Variants in SLC9A5 observed in about 807,000 individuals in gnomAD.
SLC9A5 encodes sodium/hydrogen exchanger 5.
In SLC9A5, 52 loss-of-function variants were observed where a neutral mutation model predicts 91.7. The ratio of observed to expected loss-of-function variants is 0.57; its 90% CI spans 0.45 to 0.71. SLC9A5 has a LOEUF of 0.71. Among genes scored for constraint, SLC9A5 ranks in the 30% least tolerant of loss-of-function variants. SLC9A5 has a pLI of 0.00. For synonymous variants in SLC9A5, 419 were observed against 474.5 expected (o/e 0.88, Z 1.52); for missense variants, 871 against 1,158.9 (o/e 0.75, Z 3.61).
chr16:67,267,748 A>G (rs1283191941), intron 15 of SLC9A5, among the ~76,000 whole-genome samples: 1 of 152,208 alleles, frequency 6.6e-6, no homozygotes, highest in African/African-American at 2.4e-5. Context: ...ATTCACTCAT[A>G]TTGTTAGTAT....
chr16:67,262,471 A>G (rs2035564314), intron 12 of SLC9A5: 2 of 316,052 alleles, frequency 6.3e-6, no homozygotes, highest in South Asian at 2.6e-5. Flanking sequence ...AATCTGTATC[A>G]GGTTTTGTCA....
At chr16:67,250,471 A>C (rs191606217) in intron 1 of SLC9A5, among the ~76,000 whole-genome samples, 3 of 152,276 alleles carry the variant, frequency 2.0e-5, no homozygotes, top group African/African-American at 7.2e-5. Context: ...GGAGCCAACG[A>C]TTGGGTTTGC....
chr16:67,265,191 C>T, intron 14 of SLC9A5, 85 bp downstream of exon 14: 1 of 1,290,858 alleles, frequency 7.7e-7, no homozygotes, highest in Non-Finnish European at 1.1e-6. Flanking sequence ...GGAGGACCCG[C>T]TGTAGGGTGC....
chr16:67,256,775 T>G lies in SLC9A5; in HGVS notation c.1132+86T>G. The G allele has an allele frequency of 7.4e-7, 1 of 1,352,144 alleles. No homozygotes were observed. 83.8% of individuals were successfully genotyped at this position (1,352,144 alleles called of 1,614,324 possible). ...ATCTCCCTATCTGAGTCCACATCTT[T>G]GTCAATTCCTAAGCCTCCTCTTGTT... On this transcript the variant is annotated intron_variant, in intron 6 of 15. Coordinates refer to ENST00000299798, the MANE Select transcript of SLC9A5 (RefSeq NM_004594.3). This position sits in a 1 kb window ranked among gnomAD's most constrained non-coding sequence, Gnocchi z 4.1.
chr16:67,266,597 G>A (rs2035713269), intron 15 of SLC9A5, among the ~76,000 whole-genome samples: 1 of 151,874 alleles, frequency 6.6e-6, no homozygotes, highest in African/African-American at 2.4e-5. Context: ...CTGGAGTGCA[G>A]TGGTGCGATC....
At chr16:67,267,247 C>T (rs2035752695) in intron 15 of SLC9A5, among the ~76,000 whole-genome samples, 2 of 151,874 alleles carry the variant, frequency 1.3e-5, no homozygotes, top group Admixed American at 6.6e-5. Flanking sequence ...CCACCACACC[C>T]AGCTAATTTT....
Position 67,257,347 on chromosome 16 carries a change from C to T in SLC9A5, c.1338C>T (p.Gly446=). 6.2e-7 allele frequency: 1 copy of T among 1,613,610 alleles called. No homozygotes were observed. The highest frequency in any genetic ancestry group is 8.5e-7 in the Non-Finnish European group (1 of 1,179,508). The change falls in exon 8 of 16, where the codon GGC becomes GGT. Residue 446 remains glycine (G), a splice_region_variant and synonymous_variant. Coordinates refer to ENST00000299798, the MANE Select transcript of SLC9A5 (RefSeq NM_004594.3). This position sits in a 1 kb window ranked among gnomAD's most constrained non-coding sequence, Gnocchi z 5.1. Reference sequence around the variant, plus strand: ...GCTCACCTCCTGCCTGTCCATAGGGCTTGACCATCAAGCCACTGGTCAAAT... The same window carrying T: ...GCTCACCTCCTGCCTGTCCATAGGGTTTGACCATCAAGCCACTGGTCAAAT... ...VVVFFTVIVQ[G]LTIKPLVKWL... is the part of the protein sequence containing the mutation.
chr16:67,261,990 G>C (rs1270490146), intron 12 of SLC9A5: 1 of 278,316 alleles, frequency 3.6e-6, no homozygotes, highest in Non-Finnish European at 7.2e-6. Flanking sequence ...ATTGGTCAAT[G>C]GGTTCAGTCC....
chr16:67,269,273 A>C (rs1353042354), intron 15 of SLC9A5, among the ~76,000 whole-genome samples: 3 of 151,988 alleles, frequency 2.0e-5, no homozygotes, highest in Non-Finnish European at 4.4e-5. Flanking sequence ...AAAATACGAA[A>C]AAAAAAAAAT....
intron 15 of SLC9A5, among the ~76,000 whole-genome samples, chr16:67,267,260 A>G (rs1567420254): frequency 1.3e-5 from 2 of 151,162 alleles, no homozygotes; most frequent in African/African-American, 2.4e-5. Context: ...CTAATTTTGT[A>G]TTTTTAGTAG....
chr16:67,261,264 T>C (rs2035522695), intron 12 of SLC9A5: 1 of 152,214 alleles, frequency 6.6e-6, no homozygotes, highest in Non-Finnish European at 1.5e-5. Context: ...GGGCCCCACA[T>C]TGTCCTTAGA....
At chr16:67,259,420 T>C (rs963605452) in intron 10 of SLC9A5, among the ~76,000 whole-genome samples, 153 bp from the exon 11 acceptor site, 7 of 150,444 alleles carry the variant, frequency 4.7e-5, no homozygotes, top group Non-Finnish European at 7.4e-5. Flanking sequence ...ATGTTATAGA[T>C]TTTGTGAATT....
rs763919667 is a variant in SLC9A5, at chr16:67,259,678, C to T, written c.1715+17C>T. 1.9e-6 allele frequency: 3 copies of T among 1,611,234 alleles called. No homozygotes were observed. Among genetic ancestry groups the T allele is most frequent in the Non-Finnish European group, 1.7e-6 (2 of 1,177,502 alleles). ...CAACCTGCTGTGAGTCCTTGAGCCC[C>T]TTCCCCTTCCTCATACTCCTCTCCA... is the stretch of plus-strand genomic sequence containing the variant. On this transcript the variant is annotated intron_variant, in intron 11 of 15. Coordinates refer to ENST00000299798, the MANE Select transcript of SLC9A5 (RefSeq NM_004594.3).
chr16:67,257,470 T>C lies in SLC9A5; in HGVS notation c.1425+36T>C. 6.2e-7 allele frequency: 1 copy of C among 1,613,552 alleles called. No individual in the cohort carries two copies. Among genetic ancestry groups the C allele is most frequent in the Non-Finnish European group, 8.5e-7 (1 of 1,179,454 alleles). ...GAACCCCAGCCCTCGCCTGTCCCTC[T>C]CGACCTTCTCCTATTTTGGGCAGAG... On this transcript the variant is annotated intron_variant, in intron 8 of 15. Coordinates refer to ENST00000299798, the MANE Select transcript of SLC9A5 (RefSeq NM_004594.3). This position sits in a 1 kb window ranked among gnomAD's most constrained non-coding sequence, Gnocchi z 5.1.
chr16:67,260,637 G>A (rs1237909723), intron 12 of SLC9A5, among the ~76,000 whole-genome samples: 1 of 152,184 alleles, frequency 6.6e-6, no homozygotes, highest in African/African-American at 2.4e-5. Context: ...GAGAGGAGGA[G>A]GAGACAGAGT....
Position 67,255,223 on chromosome 16 carries a change from G to A in SLC9A5, c.654+39G>A, listed in dbSNP as rs1245587519. 2 of 1,601,434 alleles carry A rather than the reference G, an allele frequency of 1.2e-6. No individual in the cohort carries two copies. Among genetic ancestry groups the A allele is most frequent in the Admixed American group, 1.7e-5 (1 of 59,566 alleles). ...GCTGACTGCCATTCCCTGACCCCAG[G>A]CTGCATGCTCTGACCAACTAGGGGT... On this transcript the variant is annotated intron_variant, in intron 3 of 15. Coordinates refer to ENST00000299798, the MANE Select transcript of SLC9A5 (RefSeq NM_004594.3). The surrounding 1 kb of genome is among the most constrained non-coding windows in gnomAD (Gnocchi z 4.9).
At chr16:67,253,034 C>T (rs2035187566) in intron 2 of SLC9A5, among the ~76,000 whole-genome samples, 190 bp downstream of exon 2, 1 of 152,222 alleles carries the variant, frequency 6.6e-6, no homozygotes, top group Non-Finnish European at 1.5e-5. Context: ...TGGGCTTCTG[C>T]AGCATAACAG....
rs2035255690 is a variant in SLC9A5 at position 67,254,969 on chromosome 16, G to C, written c.491-52G>C. The C allele has an allele frequency of 2.6e-6, 4 of 1,567,726 alleles. No homozygotes were observed. The East Asian group carries it at 9.0e-5, about 35-fold the overall frequency. ...GGGCTTGTTCCAGGGCGTGCTCCAGGAGACTGGGTCGTCTTCAATGACTGG... is the reference window on the plus strand; with the variant it reads ...GGGCTTGTTCCAGGGCGTGCTCCAGCAGACTGGGTCGTCTTCAATGACTGG... On this transcript the variant is annotated intron_variant, in intron 2 of 15. Transcript: ENST00000299798.
Position 67,266,193 on chromosome 16 carries a change from C to G in SLC9A5, c.2186C>G (p.Thr729Ser), listed in dbSNP as rs1164465849. ...GGGATCATCTTTGTGGCTCGTGCCA[C>G]CAGTGAGGTTCTCCAAGAGGGCAAG... Reference protein sequence around the residue: ...DEGIIFVARATSEVLQEGKVS... With the variant: ...DEGIIFVARASSEVLQEGKVS... The change falls in exon 15 of 16, where the codon ACC (threonine) becomes AGC (serine). Residue 729 changes from threonine to serine, a missense_variant. Physicochemically the swap from Thr to Ser is moderately conservative, Grantham distance 58. Coordinates refer to ENST00000299798, the MANE Select transcript of SLC9A5 (RefSeq NM_004594.3). 2 of 1,607,896 alleles carry G rather than the reference C, an allele frequency of 1.2e-6. No homozygotes were observed. Among genetic ancestry groups the G allele is most frequent in the South Asian group, 1.1e-5 (1 of 89,912 alleles).
Sources: allele counts gnomAD v4.1 joint callset (sites outside exome capture counted in the v4.1 genomes callset), GRCh38; gene constraint gnomAD v4.1.1; non-coding constraint Gnocchi (gnomAD v3.1); transcripts MANE v1.5; gene names NCBI Gene and HGNC (gene_info 2026-07-23, HGNC 2026-07-21).